Variants in NUP98 observed in about 807,000 individuals in gnomAD.
NUP98 encodes nucleoporin 98 and 96 precursor, also known as nuclear pore complex protein Nup98-Nup96.
Under a neutral mutation model 191.9 loss-of-function variants are expected in NUP98, and 26 were observed. The ratio of observed to expected loss-of-function variants is 0.14; its 90% CI spans 0.10 to 0.19. NUP98 has a LOEUF of 0.19. Ranked by LOEUF, NUP98 falls within the 10% of genes least tolerant of loss-of-function variation. The pLI, the probability that NUP98 is intolerant of heterozygous loss-of-function variation, is 1.00. For synonymous variants in NUP98, 808 were observed against 778.4 expected, an observed-to-expected ratio of 1.04 and a Z score of -0.63; for missense variants, 1,941 against 2,178.8, an observed-to-expected ratio of 0.89 and a Z score of 2.17.
At chr11:3,751,073 C>A (rs2080731083) in intron 11 of NUP98, among the ~76,000 whole-genome samples, 2 of 152,182 alleles carry the variant, frequency 1.3e-5, no homozygotes, top group Non-Finnish European at 2.9e-5. Flanking sequence ...AAAATATAAT[C>A]CCAGGCCGGG....
intron 16 of NUP98, among the ~76,000 whole-genome samples, chr11:3,721,599 TGAGGAAGGAGAATCGCTTGAACCTGG>T (rs1222525635): frequency 2.6e-5 from 4 of 151,902 alleles, no homozygotes. Context: ...CTCGGGAGGT[TGAGGAAGGAGAATCGCTTGAACCTGG>T]GAGGCAGAGG....
At chr11:3,707,095 A>G (rs2078883845) in intron 20 of NUP98, among the ~76,000 whole-genome samples, 1 of 152,182 alleles carries the variant, frequency 6.6e-6, no homozygotes, top group African/African-American at 2.4e-5. Context: ...TTTCTAGTCA[A>G]CACAATCTTG....
At chr11:3,732,926 G>C (rs1461913555) in intron 13 of NUP98, among the ~76,000 whole-genome samples, 1 of 152,098 alleles carries the variant, frequency 6.6e-6, no homozygotes, top group East Asian at 1.9e-4. Flanking sequence ...ACCTAGACTC[G>C]CCAAGCCCTA....
At chr11:3,741,037 G>A (rs1474739240) in intron 12 of NUP98, among the ~76,000 whole-genome samples, 1 of 151,492 alleles carries the variant, frequency 6.6e-6, no homozygotes, top group Admixed American at 6.6e-5. Context: ...GGCCAGGCTG[G>A]TCTCGAACGC....
chr11:3,759,777 A>T (rs914956666), intron 10 of NUP98, among the ~76,000 whole-genome samples: 7 of 151,284 alleles, frequency 4.6e-5, no homozygotes, highest in Non-Finnish European at 7.4e-5. Flanking sequence ...AACCGTAAAA[A>T]ATAAACTACT....
intron 16 of NUP98, among the ~76,000 whole-genome samples, chr11:3,721,594 G>A (rs1381992677): frequency 2.6e-5 from 4 of 152,084 alleles, no homozygotes. Flanking sequence ...AGCTACTCGG[G>A]AGGTTGAGGA....
intron 11 of NUP98, 100 bp from the exon 12 acceptor site, chr11:3,744,749 T>C: frequency 2.3e-6 from 3 of 1,325,148 alleles, no homozygotes; most frequent in East Asian, 2.4e-5. Flanking sequence ...GGAAACTTCA[T>C]AGTGACCACT....
At chr11:3,701,777 C>A (rs983423359) in intron 23 of NUP98, among the ~76,000 whole-genome samples, 1 of 151,458 alleles carries the variant, frequency 6.6e-6, no homozygotes, top group African/African-American at 2.4e-5. Flanking sequence ...GCTCCGCCTC[C>A]CGGGTTCACA....
intron 21 of NUP98, among the ~76,000 whole-genome samples, 156 bp downstream of exon 21, chr11:3,706,289 T>A (rs2078857311): frequency 2.0e-5 from 3 of 152,180 alleles, no homozygotes; most frequent in South Asian, 4.1e-4. Context: ...AATAAGAGAA[T>A]GAGGCCCAGA....
intron 12 of NUP98, among the ~76,000 whole-genome samples, chr11:3,738,549 A>C (rs2080160411): frequency 1.3e-5 from 2 of 152,100 alleles, no homozygotes; most frequent in African/African-American, 2.4e-5. Flanking sequence ...GAAGCTGAGC[A>C]AGCAGATTAC....
intron 10 of NUP98, among the ~76,000 whole-genome samples, chr11:3,756,462 A>C (rs951475946): frequency 1.3e-5 from 2 of 152,154 alleles, no homozygotes; most frequent in Non-Finnish European, 2.9e-5. Context: ...ACACCAAAAA[A>C]AAACCTCTAA....
intron 12 of NUP98, among the ~76,000 whole-genome samples, chr11:3,743,456 C>T (rs921224098): frequency 4.1e-5 from 6 of 145,826 alleles, no homozygotes; most frequent in Admixed American, 2.7e-4. Context: ...ACCATCCTGG[C>T]TAACATGGTG....
At chr11:3,707,727 A>G (rs2078899989) in intron 20 of NUP98, among the ~76,000 whole-genome samples, 1 of 136,766 alleles carries the variant, frequency 7.3e-6, no homozygotes, top group African/African-American at 2.8e-5. Context: ...CAACAGAATG[A>G]GACTCTGTCT....
intron 1 of NUP98, among the ~76,000 whole-genome samples, chr11:3,788,661 T>C (rs974570894): frequency 1.3e-5 from 2 of 151,998 alleles, no homozygotes; most frequent in Non-Finnish European, 2.9e-5. Flanking sequence ...AATCACTGTA[T>C]AAGGCTGGGC....
At chr11:3,712,343 G>A in intron 20 of NUP98, 2 of 1,365,172 alleles carry the variant, frequency 1.5e-6, no homozygotes, top group African/African-American at 1.5e-5. Context: ...ATCTGTAGAG[G>A]AATAATCCAA....
At chr11:3,778,093 G>T (rs2081812685) in intron 4 of NUP98, among the ~76,000 whole-genome samples, 1 of 151,336 alleles carries the variant, frequency 6.6e-6, no homozygotes, top group Non-Finnish European at 1.5e-5. Flanking sequence ...CAGCTACTCG[G>T]GAGGCTGAGG....
At chr11:3,676,743 T>C (rs762522558) in intron 31 of NUP98, 123 bp from the exon 32 acceptor site, 24 of 829,746 alleles carry the variant, frequency 2.9e-5, no homozygotes, top group Non-Finnish European at 3.8e-5. Context: ...TCCAAGATGA[T>C]GACACAGGGC....
rs2081248669 is a variant in NUP98, at chr11:3,763,683, G to A, written c.949-644C>T. Reference sequence around the variant, plus strand: ...CTCGCCTCAGCCTCCCAAGTAGCTGGGACTACAAGGGCACGCCACCAGGCC... The same window carrying A: ...CTCGCCTCAGCCTCCCAAGTAGCTGAGACTACAAGGGCACGCCACCAGGCC... On this transcript the variant is annotated intron_variant, in intron 8 of 32. Coordinates refer to ENST00000324932, the MANE Select transcript of NUP98 (RefSeq NM_016320.5). Among the ~76,000 whole-genome samples the A allele has an allele frequency of 2.0e-5, 3 of 152,076 alleles. No individual in the cohort carries two copies. The South Asian group carries it at 6.2e-4, about 32-fold the overall frequency.
At chr11:3,784,453 A>C (rs192030599) in intron 1 of NUP98, among the ~76,000 whole-genome samples, 25 of 152,298 alleles carry the variant, frequency 1.6e-4, no homozygotes, top group African/African-American at 5.5e-4. Flanking sequence ...CAAGCTTTTC[A>C]AAATACAAAC....
Sources: gnomAD v4.1 joint callset for allele counts (sites outside exome capture counted in the v4.1 genomes callset) on GRCh38, gnomAD v4.1.1 for gene constraint, MANE v1.5 for transcripts, NCBI Gene and HGNC (gene_info 2026-07-23, HGNC 2026-07-21) for gene names.